COL14A1: variants seen among roughly 807,000 people sequenced by gnomAD.
COL14A1 encodes the protein collagen type XIV alpha 1 chain.
A neutral mutation model predicts 230.3 loss-of-function variants in COL14A1; 136 were observed. That is an observed-to-expected ratio of 0.59 (90% CI 0.51 to 0.68). The LOEUF (loss-of-function observed/expected upper bound fraction) is 0.68. COL14A1 is among the 30% of genes least tolerant of loss of function. The probability of loss-of-function intolerance (pLI) is 0.00; values close to 1 mark genes in which losing one functional copy is unlikely to be tolerated. For synonymous variants in COL14A1, 792 were observed against 784.1 expected, an observed-to-expected ratio of 1.01 and a Z score of -0.17; for missense variants, 1,976 against 2,215.8, an observed-to-expected ratio of 0.89 and a Z score of 2.17.
chr8:120,203,736 T>C lies in COL14A1; in HGVS notation c.905T>C (p.Leu302Pro), dbSNP rs1477944471. The C allele has an allele frequency of 6.2e-7, 1 of 1,613,858 alleles. No homozygotes were observed. ...IGVKNADVNE[L>P]QEIASEPDST... ...GTGAAAAACGCGGATGTGAATGAGC[T>C]GCAGGAGATCGCCTCTGAACCAGAC... is the stretch of plus-strand genomic sequence containing the variant. Residue 302 changes from leucine to proline, a missense_variant, in exon 9 of 48, where the codon CTG becomes CCG. Physicochemically the swap from Leu to Pro is moderately conservative, Grantham distance 98. This residue lies in a region of COL14A1 where 1,791 missense variants were observed against 2,019.5 expected (regional missense o/e 0.89). Coordinates refer to ENST00000297848, the MANE Select transcript of COL14A1 (RefSeq NM_021110.4).
intron 2 of COL14A1, among the ~76,000 whole-genome samples, chr8:120,155,246 A>G (rs1316514687): frequency 6.6e-6 from 1 of 152,218 alleles, no homozygotes; most frequent in African/African-American, 2.4e-5. Context: ...ATGAAAGAGT[A>G]GAGTATTGAT....
In COL14A1 at chr8:120,314,780, T is replaced by A. The variant is rs190197531; in HGVS notation, c.4551+753T>A. 4.3e-3 allele frequency among the ~76,000 whole-genome samples: 649 copies of A among 152,342 alleles called. 3 individuals carry two copies. Among genetic ancestry groups the A allele is most frequent in the African/African-American group, 0.014 (584 of 41,588 alleles). On this transcript the variant is annotated intron_variant, in intron 38 of 47. Transcript: ENST00000297848. ...TGCCAATTTGTGTAATTACTACTAA[T>A]AATAAACATTGGTTGAGGTCTTACT... is the stretch of plus-strand genomic sequence containing the variant.
rs140825750 is a variant in COL14A1 at position 120,344,568 on chromosome 8, C to T, written c.4889-807C>T. 2.5e-4 allele frequency among the ~76,000 whole-genome samples: 38 copies of T among 152,332 alleles called. No homozygotes were observed. In the East Asian group the frequency reaches 7.3e-3, roughly 29 times the overall value. On this transcript the variant is annotated intron_variant, in intron 44 of 47. Coordinates refer to ENST00000297848, the MANE Select transcript of COL14A1 (RefSeq NM_021110.4). Reference sequence around the variant, plus strand: ...GTCATCAGGAGCGGATCCCTACTTACAGTGACAATCCAATGCTTAAGGAAA... The same window carrying T: ...GTCATCAGGAGCGGATCCCTACTTATAGTGACAATCCAATGCTTAAGGAAA...
chr8:120,158,084 G>A, intron 2 of COL14A1, 46 bp from the exon 3 acceptor site: 1 of 1,042,340 alleles, frequency 9.6e-7, no homozygotes, highest in East Asian at 2.5e-5. Context: ...ACAAATAGAA[G>A]CTTAAATGTT....
chr8:120,223,308 G>A (rs963862261), intron 14 of COL14A1, among the ~76,000 whole-genome samples: 1 of 152,204 alleles, frequency 6.6e-6, no homozygotes, highest in Non-Finnish European at 1.5e-5. Context: ...AACACATACA[G>A]TGTTGAGCTT....
At chr8:120,279,708 T>A (rs1819978923) in intron 28 of COL14A1, among the ~76,000 whole-genome samples, 1 of 152,178 alleles carries the variant, frequency 6.6e-6, no homozygotes, top group Non-Finnish European at 1.5e-5. Flanking sequence ...GCCTTGGTCT[T>A]CTTGGGTTTC....
chr8:120,228,890 C>A, intron 18 of COL14A1, 121 bp downstream of exon 18: 1 of 822,982 alleles, frequency 1.2e-6, no homozygotes, highest in Non-Finnish European at 1.9e-6. Flanking sequence ...CCTTTTCTGG[C>A]ACACTGGTTC....
intron 45 of COL14A1, 76 bp downstream of exon 45, chr8:120,345,639 T>C (rs997080460): frequency 8.1e-7 from 1 of 1,230,260 alleles, no homozygotes; most frequent in Non-Finnish European, 1.1e-6. Context: ...GTGGTTCTTA[T>C]ACAAGGATAA....
intron 5 of COL14A1, among the ~76,000 whole-genome samples, chr8:120,194,465 T>C (rs1816957366): frequency 1.3e-5 from 2 of 152,190 alleles, no homozygotes; most frequent in African/African-American, 4.8e-5. Flanking sequence ...TTCTTTAAGA[T>C]GTCTTTTGAT....
At position 120,193,022 on chromosome 8, in the gene COL14A1, G is replaced by A. The variant is rs190635862; in HGVS notation, c.437-3769G>A. On this transcript the variant is annotated intron_variant, in intron 5 of 47. Transcript: ENST00000297848. Reference sequence around the variant, plus strand: ...TCCTGTAGCTCGGAGTAATTTGATCGTCTGAAGCCTTCTTCTCTCAACTCG... The same window carrying A: ...TCCTGTAGCTCGGAGTAATTTGATCATCTGAAGCCTTCTTCTCTCAACTCG... Among the ~76,000 whole-genome samples, 816 of 152,026 alleles carry A rather than the reference G, an allele frequency of 5.4e-3. 30 individuals are homozygous for A. The East Asian group carries it at 0.088, about 16-fold the overall frequency.
chr8:120,260,970 G>A (rs2129753731), intron 23 of COL14A1, among the ~76,000 whole-genome samples: 1 of 152,308 alleles, frequency 6.6e-6, no homozygotes, highest in Admixed American at 6.5e-5. Context: ...GCAGGGGGAT[G>A]AGCAGAAGTG....
intron 10 of COL14A1, among the ~76,000 whole-genome samples, chr8:120,207,829 A>C (rs937651148): frequency 4.7e-5 from 7 of 149,378 alleles, no homozygotes; most frequent in African/African-American, 1.5e-4. Flanking sequence ...GGAGTCTTAA[A>C]TCATTTGGAC....
At chr8:120,168,033 T>G in intron 4 of COL14A1, 128 bp from the exon 5 acceptor site, 25 of 528,102 alleles carry the variant, frequency 4.7e-5, no homozygotes, top group East Asian at 2.1e-4. Context: ...TATTTGGGGA[T>G]GAGTTTGTAC....
intron 6 of COL14A1, 126 bp downstream of exon 6, chr8:120,197,072 A>C (rs868815845): frequency 7.3e-6 from 6 of 827,110 alleles, no homozygotes; most frequent in Non-Finnish European, 1.1e-5. Flanking sequence ...ATGGTCCCCT[A>C]AAGTACATGT....
intron 22 of COL14A1, among the ~76,000 whole-genome samples, chr8:120,253,062 A>C (rs1305309394): frequency 6.6e-6 from 1 of 152,136 alleles, no homozygotes; most frequent in African/African-American, 2.4e-5. Context: ...TCACTAATGA[A>C]ACCTCCAAGT....
intron 8 of COL14A1, 33 bp from the exon 9 acceptor site, chr8:120,203,676 A>T: frequency 6.2e-7 from 1 of 1,609,626 alleles, no homozygotes; most frequent in African/African-American, 1.3e-5. Flanking sequence ...GGGGCATAAA[A>T]GTCACCATTC....
At chr8:120,300,230 T>A (rs1468902640) in intron 35 of COL14A1, among the ~76,000 whole-genome samples, 1 of 152,196 alleles carries the variant, frequency 6.6e-6, no homozygotes, top group Non-Finnish European at 1.5e-5. Context: ...TGTGAGCAGT[T>A]GTGGAAATTG....
At chr8:120,295,368 C>T (rs955226324) in intron 34 of COL14A1, among the ~76,000 whole-genome samples, 32 of 151,848 alleles carry the variant, frequency 2.1e-4, no homozygotes, top group African/African-American at 7.2e-4. Context: ...CATGTGATTA[C>T]GTTATTTAAA....
intron 34 of COL14A1, among the ~76,000 whole-genome samples, chr8:120,295,836 A>G (rs1025946622): frequency 6.6e-6 from 1 of 152,018 alleles, no homozygotes; most frequent in Non-Finnish European, 1.5e-5. Context: ...TAAGATGCCA[A>G]GACATTAAAT....
Sources: allele counts gnomAD v4.1 joint callset (sites outside exome capture counted in the v4.1 genomes callset), GRCh38; gene constraint gnomAD v4.1.1; regional missense constraint gnomAD v4.1.1; transcripts MANE v1.5; gene names NCBI Gene and HGNC (gene_info 2026-07-23, HGNC 2026-07-21).